The following C2CD5 variants were observed in gnomAD, a reference collection of about 807,000 sequenced individuals.
C2CD5 encodes the protein C2 domain-containing protein 5.
A neutral mutation model predicts 130.3 loss-of-function variants in C2CD5; 109 were observed. The ratio of observed to expected loss-of-function variants is 0.84; its 90% CI spans 0.72 to 0.98. C2CD5 has a LOEUF of 0.98. Among genes scored for constraint, C2CD5 ranks in the 50% least tolerant of loss-of-function variants. C2CD5 has a pLI of 0.00. For synonymous variants in C2CD5, 454 were observed against 429.2 expected (o/e 1.06, Z -0.71); for missense variants, 996 against 1,261.8 (o/e 0.79, Z 3.19).
chr12:22,471,905 T>C (rs1423867567), intron 19 of C2CD5, 62 bp downstream of exon 19: 8 of 903,574 alleles, frequency 8.9e-6, no homozygotes, highest in Non-Finnish European at 1.5e-5. Context: ...TACAGCAATA[T>C]AGACACTTAA....
At chr12:22,470,793 A>C in intron 21 of C2CD5, 31 bp downstream of exon 21, 1 of 1,349,904 alleles carries the variant, frequency 7.4e-7, no homozygotes, top group Non-Finnish European at 1.1e-6. Flanking sequence ...AGACAAACAC[A>C]AACTGAACTT....
At chr12:22,488,588 A>G (rs1333925468) in intron 12 of C2CD5, among the ~76,000 whole-genome samples, 1 of 152,152 alleles carries the variant, frequency 6.6e-6, no homozygotes, top group Non-Finnish European at 1.5e-5. Context: ...TTAAGAATGA[A>G]ATCTACAGAC....
chr12:22,454,084 T>G (rs961304366), intron 25 of C2CD5, 42 bp from the exon 26 acceptor site: 2 of 1,463,756 alleles, frequency 1.4e-6, no homozygotes, highest in South Asian at 2.3e-5. Context: ...TATATACATG[T>G]GTATGGATAT....
Position 22,523,339 on chromosome 12 carries a change from C to A in C2CD5, c.800+87G>T. 3 of 995,676 alleles carry A rather than the reference C, an allele frequency of 3.0e-6. No homozygotes were observed. The South Asian group carries it at 4.8e-5, about 16-fold the overall frequency. The allele number at this position is 995,676 out of a possible 1,614,324, so 61.7% of individuals were successfully genotyped here. On this transcript the variant is annotated intron_variant, in intron 7 of 26. Transcript: ENST00000446597. ...TCATCACAGAGAAAATGTTGAACAA[C>A]CCTACTAAAATGTTTCAAATCAAAT... is the stretch of plus-strand genomic sequence containing the variant.
At chr12:22,492,103 T>C in intron 11 of C2CD5, among the ~76,000 whole-genome samples, 1 of 152,138 alleles carries the variant, frequency 6.6e-6, no homozygotes, top group East Asian at 1.9e-4. Flanking sequence ...ATAATATGGC[T>C]CTGTAATGAC....
intron 8 of C2CD5, among the ~76,000 whole-genome samples, chr12:22,516,924 A>G (rs1186042206): frequency 6.6e-6 from 1 of 151,932 alleles, no homozygotes; most frequent in African/African-American, 2.4e-5. Flanking sequence ...CATTATTTGT[A>G]GACATTATTC....
chr12:22,529,393 CTTAT>C (rs1565800763), intron 3 of C2CD5, among the ~76,000 whole-genome samples: 1 of 152,164 alleles, frequency 6.6e-6, no homozygotes, highest in East Asian at 1.9e-4. Flanking sequence ...TCTGTATATA[CTTAT>C]TTAACCACCT....
chr12:22,487,029 C>A (rs1180779760), intron 12 of C2CD5, among the ~76,000 whole-genome samples: 1 of 152,128 alleles, frequency 6.6e-6, no homozygotes, highest in Non-Finnish European at 1.5e-5. Context: ...TGGATCCCTT[C>A]CTTACACCTT....
chr12:22,528,852 T>C (rs1950958334), intron 3 of C2CD5, among the ~76,000 whole-genome samples: 1 of 152,148 alleles, frequency 6.6e-6, no homozygotes, highest in African/African-American at 2.4e-5. Context: ...CCTTTCCCTA[T>C]CCCCTATTTA....
At chr12:22,539,835 A>G (rs1565821774) in intron 2 of C2CD5, among the ~76,000 whole-genome samples, 4 of 152,126 alleles carry the variant, frequency 2.6e-5, no homozygotes, top group African/African-American at 9.7e-5. Flanking sequence ...CTCTACAAAA[A>G]TACAAAAAAT....
intron 7 of C2CD5, chr12:22,519,039 C>A: frequency 2.3e-6 from 3 of 1,315,028 alleles, no homozygotes; most frequent in East Asian, 2.6e-5. Context: ...GCCTACACTA[C>A]CTGCCTGCCT....
At chr12:22,533,558 C>T (rs1951521048) in intron 3 of C2CD5, among the ~76,000 whole-genome samples, 1 of 152,090 alleles carries the variant, frequency 6.6e-6, no homozygotes, top group Admixed American at 6.5e-5. Context: ...AGGGAGGTGG[C>T]TGGGCGCAAC....
chr12:22,510,678 C>T (rs1490396453), intron 9 of C2CD5, among the ~76,000 whole-genome samples: 1 of 152,176 alleles, frequency 6.6e-6, no homozygotes, highest in Non-Finnish European at 1.5e-5. Flanking sequence ...CAATGTTTCC[C>T]AAAATGTGTT....
chr12:22,518,234 G>T, intron 7 of C2CD5, 97 bp from the exon 8 acceptor site: 1 of 1,155,232 alleles, frequency 8.7e-7, no homozygotes, highest in South Asian at 1.2e-5. Flanking sequence ...TTGGGGCAGG[G>T]CCAGCAGTCA....
intron 2 of C2CD5, among the ~76,000 whole-genome samples, chr12:22,539,084 C>A (rs573585727): frequency 3.3e-4 from 50 of 152,138 alleles, no homozygotes; most frequent in Non-Finnish European, 5.6e-4. Context: ...TTTCCTCCCC[C>A]CTTCATAGCC....
In C2CD5 at chr12:22,524,640, A is replaced by C; in HGVS notation, c.446-13T>G. The C allele has an allele frequency of 1.9e-6, 3 of 1,594,976 alleles. No individual in the cohort carries two copies. The highest frequency in any genetic ancestry group is 2.6e-6 in the Non-Finnish European group (3 of 1,169,528). On this transcript the variant is annotated splice_polypyrimidine_tract_variant and intron_variant, in intron 5 of 26. Transcript: ENST00000446597. ...GGAATAGACGTTGCTGTTAAAACAAATTATTATGCTTCTGTTTATCAAAAG... is the reference window on the plus strand; with the variant it reads ...GGAATAGACGTTGCTGTTAAAACAACTTATTATGCTTCTGTTTATCAAAAG...
intron 14 of C2CD5, among the ~76,000 whole-genome samples, chr12:22,479,490 CA>C (rs1247400423): frequency 4.0e-5 from 6 of 151,838 alleles, no homozygotes; most frequent in Non-Finnish European, 8.8e-5. Context: ...TTAAAGGTGG[CA>C]AAAGTGAAGA....
chr12:22,510,545 T>A (rs1046209903), intron 9 of C2CD5, among the ~76,000 whole-genome samples: 1 of 152,208 alleles, frequency 6.6e-6, no homozygotes, highest in Non-Finnish European at 1.5e-5. Flanking sequence ...ATACTCTTTT[T>A]ATTATTGCAA....
chr12:22,543,221 A>C (rs1056212459), intron 2 of C2CD5, among the ~76,000 whole-genome samples: 3 of 152,352 alleles, frequency 2.0e-5, no homozygotes, highest in Admixed American at 6.5e-5. Flanking sequence ...TCATCACGCC[A>C]ATTTTTATTA....
Sources: gnomAD v4.1 joint callset for allele counts (sites outside exome capture counted in the v4.1 genomes callset) on GRCh38, gnomAD v4.1.1 for gene constraint, MANE v1.5 for transcripts, NCBI Gene and HGNC (gene_info 2026-07-23, HGNC 2026-07-21) for gene names.